Variants in MACROH2A1 observed in about 807,000 individuals in gnomAD.
The protein encoded by MACROH2A1 is core histone macro-H2A.1.
In MACROH2A1, 2 loss-of-function variants were observed where a neutral mutation model predicts 31.6. That is an observed-to-expected ratio of 0.06 (90% CI 0.03 to 0.20). The LOEUF is 0.20. MACROH2A1 is among the 10% of genes least tolerant of loss of function. The pLI is 1.00. For synonymous variants in MACROH2A1, 169 were observed against 189.6 expected, an observed-to-expected ratio of 0.89 and a Z score of 0.89; for missense variants, 230 against 474.0, an observed-to-expected ratio of 0.49 and a Z score of 4.78.
chr5:135,342,111 C>T (rs569427506), intron 8 of MACROH2A1, among the ~76,000 whole-genome samples: 7 of 152,210 alleles, frequency 4.6e-5, no homozygotes, highest in Admixed American at 6.5e-5. Flanking sequence ...ATGCAGACCT[C>T]GAGCCTTCCA....
intron 2 of MACROH2A1, among the ~76,000 whole-genome samples, chr5:135,375,012 T>G (rs1764671575): frequency 6.6e-6 from 1 of 152,226 alleles, no homozygotes; most frequent in Non-Finnish European, 1.5e-5. Flanking sequence ...CCCAAGGCGC[T>G]TAGGGTCTGC....
At chr5:135,368,110 G>A (rs998870450) in intron 4 of MACROH2A1, among the ~76,000 whole-genome samples, 3 of 152,226 alleles carry the variant, frequency 2.0e-5, no homozygotes, top group African/African-American at 7.2e-5. Flanking sequence ...GCCTAAGGGT[G>A]GGTGGCATGT....
At chr5:135,389,359 T>G in intron 1 of MACROH2A1, 1 of 325,856 alleles carries the variant, frequency 3.1e-6, no homozygotes, top group Non-Finnish European at 5.6e-6. Flanking sequence ...TTAAGTGCCT[T>G]GCCATTATGC....
In MACROH2A1 at chr5:135,398,820, G is replaced by A. The variant is rs928418966; in HGVS notation, c.-34+242C>T. 2.6e-5 allele frequency among the ~76,000 whole-genome samples: 4 copies of A among 152,214 alleles called. No homozygotes were observed. Among genetic ancestry groups the A allele is most frequent in the Admixed American group, 6.5e-5 (1 of 15,286 alleles). On this transcript the variant is annotated intron_variant, in intron 1 of 8. Coordinates refer to ENST00000511689, the MANE Select transcript of MACROH2A1 (RefSeq NM_138610.3). This position sits in a 1 kb window ranked among gnomAD's most constrained non-coding sequence, Gnocchi z 4.6. ...CGCGGGCAGGGGGATGCGTTTCGAA[G>A]AGAAGTTGGTTTCCAGGTTTCTTTT...
chr5:135,385,530 C>T (rs1766278509), intron 2 of MACROH2A1, among the ~76,000 whole-genome samples: 1 of 152,168 alleles, frequency 6.6e-6, no homozygotes, highest in African/African-American at 2.4e-5. Flanking sequence ...AGCACAATGT[C>T]GGGGTCACAT....
intron 1 of MACROH2A1, among the ~76,000 whole-genome samples, chr5:135,391,287 C>T (rs1767202550): frequency 1.3e-5 from 2 of 152,184 alleles, no homozygotes; most frequent in African/African-American, 4.8e-5. Flanking sequence ...AATGTCTCCC[C>T]CTTTCAGCAG....
At chr5:135,350,904 C>T in intron 6 of MACROH2A1, 2 of 1,607,034 alleles carry the variant, frequency 1.2e-6, no homozygotes, top group Non-Finnish European at 1.7e-6. Context: ...TCAGCCTGTA[C>T]AACTTGCAAC....
intron 2 of MACROH2A1, among the ~76,000 whole-genome samples, chr5:135,374,248 T>G (rs891296665): frequency 1.3e-5 from 2 of 152,148 alleles, no homozygotes; most frequent in African/African-American, 2.4e-5. Flanking sequence ...ACAGCAGAGG[T>G]GCAAAATGCC....
At chr5:135,349,153 G>A (rs1419950571) in intron 6 of MACROH2A1, among the ~76,000 whole-genome samples, 1 of 152,112 alleles carries the variant, frequency 6.6e-6, no homozygotes, top group Non-Finnish European at 1.5e-5. Flanking sequence ...CCTCTCCCTG[G>A]ACCTGGGTAA....
chr5:135,360,294 C>T, intron 5 of MACROH2A1: 1 of 589,374 alleles, frequency 1.7e-6, no homozygotes, highest in Non-Finnish European at 3.0e-6. Context: ...CTCCCTTCCC[C>T]AGCTGCCAGG....
intron 5 of MACROH2A1, chr5:135,359,376 A>C: frequency 1.0e-6 from 1 of 985,058 alleles, no homozygotes; most frequent in Non-Finnish European, 1.2e-6. Context: ...AAATTTTTAA[A>C]GGAACAAAAA....
intron 4 of MACROH2A1, among the ~76,000 whole-genome samples, chr5:135,366,230 C>T (rs757584780): frequency 6.6e-6 from 1 of 152,114 alleles, no homozygotes; most frequent in Non-Finnish European, 1.5e-5. Flanking sequence ...TTCACAGCAG[C>T]GTAAGAATGG....
chr5:135,389,439 T>C (rs1462098014), intron 1 of MACROH2A1: 1 of 188,442 alleles, frequency 5.3e-6, no homozygotes, highest in Non-Finnish European at 1.1e-5. Flanking sequence ...TGCATTTTCA[T>C]ACACTTGAGA....
intron 4 of MACROH2A1, among the ~76,000 whole-genome samples, chr5:135,366,032 T>C (rs760520176): frequency 2.6e-5 from 4 of 152,232 alleles, no homozygotes; most frequent in Non-Finnish European, 5.9e-5. Context: ...TGACAGTGAA[T>C]GAGTTCTCAT....
At chr5:135,377,336 A>G (rs530580436) in intron 2 of MACROH2A1, among the ~76,000 whole-genome samples, 34 of 152,246 alleles carry the variant, frequency 2.2e-4, no homozygotes, top group Non-Finnish European at 3.7e-4. Flanking sequence ...GTTAATATGT[A>G]TGTTTGTTTT....
chr5:135,348,263 C>G (rs1312281905), intron 6 of MACROH2A1, among the ~76,000 whole-genome samples: 2 of 152,214 alleles, frequency 1.3e-5, no homozygotes, highest in Non-Finnish European at 2.9e-5. Flanking sequence ...TTGTAAGACT[C>G]TTGCTTTTTA....
intron 2 of MACROH2A1, 44 bp from the exon 3 acceptor site, chr5:135,370,186 T>C (rs748099774): frequency 4.7e-6 from 6 of 1,270,350 alleles, no homozygotes; most frequent in Middle Eastern, 1.9e-4. Context: ...TAGAGGACCA[T>C]GTGTCCCCGC....
chr5:135,388,056 A>AG (rs1177621846), intron 2 of MACROH2A1, among the ~76,000 whole-genome samples: 1 of 152,044 alleles, frequency 6.6e-6, no homozygotes, highest in East Asian at 1.9e-4. Context: ...TTCAAAAAAA[A>AG]AAAAAAAAAC....
chr5:135,352,479 G>A (rs1160454350), intron 6 of MACROH2A1, among the ~76,000 whole-genome samples: 3 of 152,230 alleles, frequency 2.0e-5, no homozygotes, highest in Admixed American at 6.5e-5. Flanking sequence ...TGAAGTGATG[G>A]TAGTAAATTG....
Sources: allele counts gnomAD v4.1 joint callset (sites outside exome capture counted in the v4.1 genomes callset), GRCh38; gene constraint gnomAD v4.1.1; non-coding constraint Gnocchi (gnomAD v3.1); transcripts MANE v1.5; gene names NCBI Gene and HGNC (gene_info 2026-07-23, HGNC 2026-07-21).